Variants in WDR27 observed in about 807,000 individuals in gnomAD.
WDR27 encodes the protein WD repeat-containing protein 27.
WDR27 carries 100 observed loss-of-function variants against 114.4 expected under a neutral mutation model. The ratio of observed to expected loss-of-function variants is 0.87; its 90% CI spans 0.74 to 1.03. The LOEUF (loss-of-function observed/expected upper bound fraction) is 1.03. Among genes scored for constraint, WDR27 ranks in the 50% least tolerant of loss-of-function variants. The pLI, the probability that WDR27 is intolerant of heterozygous loss-of-function variation, is 0.00. For synonymous variants in WDR27, 449 were observed against 423.1 expected, an observed-to-expected ratio of 1.06 and a Z score of -0.75; for missense variants, 1,129 against 1,092.9, an observed-to-expected ratio of 1.03 and a Z score of -0.47.
At chr6:169,450,080 T>TA in the WDR27 span, among the ~76,000 whole-genome samples, 1 of 152,226 alleles carries the variant, frequency 6.6e-6, no homozygotes, top group Non-Finnish European at 1.5e-5. Flanking sequence ...CCAATGAAAT[T>TA]AGAGATATGG....
intron 21 of WDR27, among the ~76,000 whole-genome samples, chr6:169,614,772 T>C (rs1811401938): frequency 6.6e-6 from 1 of 152,196 alleles, no homozygotes; most frequent in African/African-American, 2.4e-5. Context: ...ACACTAATAA[T>C]TGAGCAGGTA....
chr6:169,480,681 A>C (rs2115380715), intron 25 of WDR27, among the ~76,000 whole-genome samples: 2 of 151,954 alleles, frequency 1.3e-5, no homozygotes, highest in Middle Eastern at 6.8e-3. Context: ...TAAATGCACC[A>C]ATCAGCACCC....
chr6:169,503,530 C>T (rs796108482), intron 25 of WDR27, among the ~76,000 whole-genome samples: 15 of 152,302 alleles, frequency 9.8e-5, no homozygotes, highest in African/African-American at 3.4e-4. Context: ...CTTCCAAGAG[C>T]CGTCCCCAGA....
chr6:169,513,981 A>T (rs1793285792), intron 25 of WDR27, among the ~76,000 whole-genome samples: 1 of 152,172 alleles, frequency 6.6e-6, no homozygotes, highest in African/African-American at 2.4e-5. Flanking sequence ...CTTATCTCAG[A>T]ACTGCGGGAC....
In WDR27 at chr6:169,667,908, G is replaced by T. The variant is rs916076745; in HGVS notation, c.660+74C>A. 12 of 1,418,722 alleles carry T rather than the reference G, an allele frequency of 8.5e-6. No homozygotes were observed. The South Asian group carries it at 1.4e-4, about 16-fold the overall frequency. The allele number at this position is 1,418,722 out of a possible 1,614,324, so 87.9% of individuals were successfully genotyped here. On this transcript the variant is annotated intron_variant, in intron 5 of 25. Transcript: ENST00000448612. ...AGGCGGCCGTGGCCGTGAAGCAACC[G>T]CACAGCTCCCGTCACCACAGTTCTT...
At chr6:169,601,596 T>C (rs765232632) in intron 23 of WDR27, among the ~76,000 whole-genome samples, 120 of 152,232 alleles carry the variant, frequency 7.9e-4, no homozygotes, top group Non-Finnish European at 5.7e-4. Flanking sequence ...TGAGGCAACA[T>C]GACCATGAGG....
intron 16 of WDR27, among the ~76,000 whole-genome samples, chr6:169,647,101 G>A (rs1820940582): frequency 6.6e-6 from 1 of 152,164 alleles, no homozygotes. Flanking sequence ...AGGCGTTCAG[G>A]TGGTGGAACT....
chr6:169,455,701 C>A (rs1228672982), downstream of WDR27, among the ~76,000 whole-genome samples: 1 of 152,172 alleles, frequency 6.6e-6, no homozygotes, highest in Admixed American at 6.5e-5. Context: ...GCCCTCCATG[C>A]CCCCTGGCTT....
chr6:169,555,695 G>C (rs1798771498), intron 25 of WDR27, among the ~76,000 whole-genome samples: 2 of 152,016 alleles, frequency 1.3e-5, no homozygotes, highest in Non-Finnish European at 2.9e-5. Flanking sequence ...CCAAACATTA[G>C]GAGAGACAAT....
At chr6:169,437,625 T>C in the WDR27 span, among the ~76,000 whole-genome samples, 1 of 152,184 alleles carries the variant, frequency 6.6e-6, no homozygotes, top group South Asian at 2.1e-4. Flanking sequence ...CCTTCTGTTC[T>C]TTCTTCGTTC....
chr6:169,438,944 T>C, the WDR27 span, among the ~76,000 whole-genome samples: 4 of 152,198 alleles, frequency 2.6e-5, no homozygotes, highest in African/African-American at 9.6e-5. Context: ...TAATAATCAC[T>C]CTGATTAAAT....
At chr6:169,483,574 C>T (rs559368467) in intron 25 of WDR27, among the ~76,000 whole-genome samples, 10 of 152,188 alleles carry the variant, frequency 6.6e-5, no homozygotes, top group East Asian at 5.8e-4. Flanking sequence ...TTGTACCAGA[C>T]GTATAAAGAA....
intron 25 of WDR27, among the ~76,000 whole-genome samples, chr6:169,504,099 TAGTTATGTG>T (rs1310425800): frequency 1.3e-5 from 2 of 152,212 alleles, no homozygotes; most frequent in African/African-American, 4.8e-5. Context: ...GAACAGTGTG[TAGTTATGTG>T]ATAAAACAAA....
intron 25 of WDR27, among the ~76,000 whole-genome samples, chr6:169,538,994 G>A (rs890348437): frequency 7.9e-5 from 12 of 152,090 alleles, no homozygotes; most frequent in African/African-American, 2.7e-4. Flanking sequence ...TTATTTTGAA[G>A]ACAAATTTGA....
At chr6:169,645,036 T>TAAAAAAAAAAAAAAAAAAAAAAA (rs369797685) in intron 16 of WDR27, among the ~76,000 whole-genome samples, 105 of 76,952 alleles carry the variant, frequency 1.4e-3, no homozygotes, top group Middle Eastern at 9.8e-3. Flanking sequence ...AAAAAAAAAA[T>TAAAAAAAAAAAAAAAAAAAAAAA]AAAAAAAAAA....
chr6:169,673,001 G>A (rs1779152028), intron 2 of WDR27, among the ~76,000 whole-genome samples: 2 of 152,140 alleles, frequency 1.3e-5, no homozygotes, highest in Admixed American at 1.3e-4. Flanking sequence ...GGGTATACTG[G>A]GCTGGAGAGA....
chr6:169,645,024 A>T lies in WDR27; in HGVS notation c.1658-1238T>A, dbSNP rs13204832. 6.1e-4 allele frequency among the ~76,000 whole-genome samples: 24 copies of T among 39,638 alleles called. 1 individual carries two copies. Among genetic ancestry groups the T allele is most frequent in the African/African-American group, 3.9e-3 (10 of 2,540 alleles). 26.0% of individuals were successfully genotyped at this position (39,638 alleles called of 152,430 possible). On this transcript the variant is annotated intron_variant, in intron 16 of 25. Transcript: ENST00000448612. ...ACTCCGTCTCAAAAAAAAAAAAAAT[A>T]AAAAAAAAAAATAAAAAAAAAAAAA...
At chr6:169,597,098 C>T (rs934999725) in intron 23 of WDR27, among the ~76,000 whole-genome samples, 1 of 152,088 alleles carries the variant, frequency 6.6e-6, no homozygotes, top group Non-Finnish European at 1.5e-5. Context: ...AAAGTATTAT[C>T]ATATCAGCTT....
At chr6:169,612,153 T>C (rs190164884) in intron 22 of WDR27, among the ~76,000 whole-genome samples, 48 of 148,412 alleles carry the variant, frequency 3.2e-4, no homozygotes, top group Non-Finnish European at 6.7e-4. Flanking sequence ...CCAAACAGGC[T>C]GGGCACGGTG....
Sources: gnomAD v4.1 joint callset for allele counts (sites outside exome capture counted in the v4.1 genomes callset) on GRCh38, gnomAD v4.1.1 for gene constraint, MANE v1.5 for transcripts, NCBI Gene and HGNC (gene_info 2026-07-23, HGNC 2026-07-21) for gene names.